The following TMCC1 variants were observed in gnomAD, a reference collection of about 807,000 sequenced individuals.
TMCC1 encodes the protein transmembrane and coiled-coil domains protein 1.
Under a neutral mutation model 52.4 loss-of-function variants are expected in TMCC1, and 15 were observed. That is an observed-to-expected ratio of 0.29 (90% CI 0.19 to 0.44). The LOEUF is 0.44. TMCC1 is among the 20% of genes least tolerant of loss of function. The pLI is 1.00. For missense variants in TMCC1, 503 were observed against 806.0 expected (o/e 0.62, Z 4.55); for synonymous variants, 279 against 301.9 (o/e 0.92, Z 0.79).
At chr3:129,778,676 G>GGC (rs1553866335) in intron 4 of TMCC1, among the ~76,000 whole-genome samples, 4 of 150,720 alleles carry the variant, frequency 2.7e-5, no homozygotes, top group Admixed American at 2.0e-4. Context: ...GATCATGGTG[G>GGC]GGGGGGGGCA....
chr3:129,881,585 G>C (rs1362260072), intron 1 of TMCC1, among the ~76,000 whole-genome samples: 2 of 152,040 alleles, frequency 1.3e-5, no homozygotes, highest in Non-Finnish European at 2.9e-5. Context: ...TGACATACAG[G>C]GTGGTTTGCA....
At chr3:129,687,042 C>T (rs935979661) in intron 4 of TMCC1, among the ~76,000 whole-genome samples, 13 of 152,024 alleles carry the variant, frequency 8.6e-5, no homozygotes, top group East Asian at 3.9e-4. Flanking sequence ...AAAAGGCTTA[C>T]GGAAGGAACA....
At chr3:129,691,574 A>G (rs1212633830) in intron 4 of TMCC1, among the ~76,000 whole-genome samples, 1 of 152,164 alleles carries the variant, frequency 6.6e-6, no homozygotes, top group Non-Finnish European at 1.5e-5. Flanking sequence ...TAAGGCCAGG[A>G]GTTTGAGACC....
intron 4 of TMCC1, among the ~76,000 whole-genome samples, chr3:129,784,438 C>T (rs183651899): frequency 2.0e-3 from 296 of 151,670 alleles, no homozygotes; most frequent in Admixed American, 2.9e-3. Context: ...CAGTGGCGGG[C>T]GCCTGTAGTT....
At chr3:129,734,313 C>T (rs963998520) in intron 4 of TMCC1, among the ~76,000 whole-genome samples, 7 of 152,026 alleles carry the variant, frequency 4.6e-5, no homozygotes, top group Admixed American at 2.0e-4. Context: ...AGAAATTTTG[C>T]GTATACAGAC....
At chr3:129,861,163 G>A (rs369102389) in intron 2 of TMCC1, among the ~76,000 whole-genome samples, 4 of 152,282 alleles carry the variant, frequency 2.6e-5, no homozygotes, top group East Asian at 1.9e-4. Flanking sequence ...TACGGTGGCC[G>A]GGCGCAGTGG....
chr3:129,691,457 C>T (rs1473661419), intron 4 of TMCC1, among the ~76,000 whole-genome samples: 1 of 151,764 alleles, frequency 6.6e-6, no homozygotes, highest in Non-Finnish European at 1.5e-5. Context: ...AGAACTAAAG[C>T]CATAGGTCTT....
intron 4 of TMCC1, among the ~76,000 whole-genome samples, chr3:129,761,608 G>C (rs1183008478): frequency 6.6e-6 from 1 of 152,088 alleles, no homozygotes; most frequent in Non-Finnish European, 1.5e-5. Flanking sequence ...GGACTTCAGA[G>C]ATAAAATCCC....
At chr3:129,768,717 A>G (rs1009717805) in intron 4 of TMCC1, among the ~76,000 whole-genome samples, 1 of 152,228 alleles carries the variant, frequency 6.6e-6, no homozygotes, top group African/African-American at 2.4e-5. Flanking sequence ...AAGTATATGT[A>G]TTCTTATATT....
intron 2 of TMCC1, among the ~76,000 whole-genome samples, chr3:129,841,714 TGTA>T (rs1257174945): frequency 6.6e-6 from 1 of 152,184 alleles, no homozygotes; most frequent in Admixed American, 6.5e-5. Flanking sequence ...AGCCTTACCA[TGTA>T]GTAGAAAAGA....
At chr3:129,840,326 C>CAAAAAAAAAAAAAA (rs368685429) in intron 2 of TMCC1, among the ~76,000 whole-genome samples, 1 of 88,288 alleles carries the variant, frequency 1.1e-5, no homozygotes, top group Non-Finnish European at 2.0e-5. Context: ...GAACCTGTCT[C>CAAAAAAAAAAAAAA]AAAAAAAAAA....
intron 4 of TMCC1, among the ~76,000 whole-genome samples, chr3:129,754,001 T>C (rs964291220): frequency 1.1e-4 from 16 of 150,482 alleles, no homozygotes; most frequent in Admixed American, 6.6e-4. Flanking sequence ...AACTCAACCT[T>C]CTTGAACTAA....
chr3:129,818,412 TAAAGA>T lies in TMCC1; in HGVS notation c.576+9386_576+9390del, dbSNP rs535098460. Among the ~76,000 whole-genome samples, 28 of 149,146 alleles carry T rather than the reference TAAAGA, an allele frequency of 1.9e-4. No individual in the cohort carries two copies. The East Asian group carries it at 5.3e-3, about 28-fold the overall frequency. ...TCTTTAAAAGTTTCTAAGAAACTTT[TAAAGA>T]AAAGTTTTAAAGAAACTTTTAAAGA... is the stretch of plus-strand genomic sequence containing the variant. On this transcript the variant is annotated intron_variant, in intron 4 of 6. Transcript: ENST00000393238.
At chr3:129,723,632 A>T (rs1445507678) in intron 4 of TMCC1, among the ~76,000 whole-genome samples, 1 of 152,164 alleles carries the variant, frequency 6.6e-6, no homozygotes, top group Non-Finnish European at 1.5e-5. Flanking sequence ...AAGAGACGGG[A>T]CACTCCAGGA....
At chr3:129,674,169 T>C (rs1258535541) in intron 4 of TMCC1, among the ~76,000 whole-genome samples, 4 of 152,238 alleles carry the variant, frequency 2.6e-5, no homozygotes, top group African/African-American at 9.6e-5. Flanking sequence ...CCTCAGAATG[T>C]ATCCCCATAT....
chr3:129,668,262 A>G (rs2087632907), intron 5 of TMCC1, among the ~76,000 whole-genome samples: 1 of 152,204 alleles, frequency 6.6e-6, no homozygotes, highest in Non-Finnish European at 1.5e-5. Context: ...TTTTTAACTG[A>G]CTGTGGAATG....
At chr3:129,705,059 C>A (rs866675578) in intron 4 of TMCC1, among the ~76,000 whole-genome samples, 4 of 152,242 alleles carry the variant, frequency 2.6e-5, no homozygotes, top group Middle Eastern at 3.4e-3. Context: ...CCTTTAGATC[C>A]TAATTTAGAT....
intron 4 of TMCC1, among the ~76,000 whole-genome samples, chr3:129,715,424 G>T (rs150005467): frequency 6.9e-4 from 105 of 152,304 alleles, no homozygotes; most frequent in African/African-American, 2.5e-3. Flanking sequence ...GCTGGGTGTG[G>T]TGTTGTGCAC....
chr3:129,682,080 C>T lies in TMCC1; in HGVS notation c.577-10816G>A, dbSNP rs1453882298. Among the ~76,000 whole-genome samples, 7 of 152,144 alleles carry T rather than the reference C, an allele frequency of 4.6e-5. No homozygotes were observed. The East Asian group carries it at 1.3e-3, about 29-fold the overall frequency. ...TTTTTAACTGAAAACTTAAGTTTTT[C>T]TGTTATTTTGCACTGAAATTATCTG... On this transcript the variant is annotated intron_variant, in intron 4 of 6. Transcript: ENST00000393238.
Sources: allele counts gnomAD v4.1 joint callset (sites outside exome capture counted in the v4.1 genomes callset), GRCh38; gene constraint gnomAD v4.1.1; transcripts MANE v1.5; gene names NCBI Gene and HGNC (gene_info 2026-07-23, HGNC 2026-07-21).